Variants in LAMA4 observed in about 807,000 individuals in gnomAD.
LAMA4 encodes laminin subunit alpha 4, also known as laminin subunit alpha-4.
LAMA4 carries 127 observed loss-of-function variants against 207.1 expected under a neutral mutation model. The ratio of observed to expected loss-of-function variants is 0.61; its 90% CI spans 0.53 to 0.71. LAMA4 has a LOEUF of 0.71. LAMA4 is among the 30% of genes least tolerant of loss of function. The probability of loss-of-function intolerance (pLI) is 0.00; values close to 1 mark genes in which losing one functional copy is unlikely to be tolerated. For synonymous variants in LAMA4, 761 were observed against 816.0 expected, an observed-to-expected ratio of 0.93 and a Z score of 1.15; for missense variants, 2,093 against 2,246.5, an observed-to-expected ratio of 0.93 and a Z score of 1.38.
chr6:112,254,336 CCT>C, intron 1 of LAMA4, 45 bp from the exon 2 acceptor site: 3 of 634,410 alleles, frequency 4.7e-6, no homozygotes, highest in Non-Finnish European at 5.5e-6. Flanking sequence ...AGAGTTCCAG[CCT>C]CTCTCTCCCT....
At chr6:112,116,072 T>A in intron 35 of LAMA4, 79 bp from the exon 36 acceptor site, 1 of 1,387,900 alleles carries the variant, frequency 7.2e-7, no homozygotes, top group Middle Eastern at 2.0e-4. Flanking sequence ...TAATTATATA[T>A]ATTTTTATCT....
intron 25 of LAMA4, among the ~76,000 whole-genome samples, chr6:112,135,318 C>T (rs1374962326): frequency 6.6e-6 from 1 of 152,158 alleles, no homozygotes; most frequent in Admixed American, 6.5e-5. Flanking sequence ...ATTGTATTCC[C>T]AAGCAGGTGC....
At chr6:112,167,051 A>G (rs1554340205) in intron 12 of LAMA4, among the ~76,000 whole-genome samples, 1 of 152,202 alleles carries the variant, frequency 6.6e-6, no homozygotes, top group Non-Finnish European at 1.5e-5. Context: ...GTTTTTAATC[A>G]TTCTGTTACC....
intron 2 of LAMA4, among the ~76,000 whole-genome samples, chr6:112,229,720 G>C (rs1785436609): frequency 6.6e-6 from 1 of 152,174 alleles, no homozygotes; most frequent in Admixed American, 6.5e-5. Context: ...AAAGATGATT[G>C]CACTATCTAA....
intron 5 of LAMA4, among the ~76,000 whole-genome samples, chr6:112,193,222 G>A (rs1193924959): frequency 2.6e-5 from 4 of 152,112 alleles, no homozygotes; most frequent in African/African-American, 9.7e-5. Flanking sequence ...TTTTGAGCAT[G>A]ATGGAAGTGG....
chr6:112,193,686 C>T (rs1387791209), intron 5 of LAMA4, among the ~76,000 whole-genome samples: 1 of 152,110 alleles, frequency 6.6e-6, no homozygotes, highest in Non-Finnish European at 1.5e-5. Context: ...GGGAGGGAGG[C>T]CACACAGGCC....
At position 112,254,219 on chromosome 6, in the gene LAMA4, T is replaced by G; in HGVS notation, c.-69A>C. On this transcript the variant is annotated 5_prime_UTR_variant, in exon 2 of 39. Coordinates refer to ENST00000230538, the MANE Select transcript of LAMA4 (RefSeq NM_001105206.3). ...TGTGGGTCTCCGTAGGTCTCCCGCG[T>G]GGTGCGGCGGTGCCTCGCTTATTTT... is the stretch of plus-strand genomic sequence containing the variant. 6.2e-7 allele frequency: 1 copy of G among 1,600,348 alleles called. No individual in the cohort carries two copies. Among genetic ancestry groups the G allele is most frequent in the East Asian group, 2.2e-5 (1 of 44,720 alleles).
At chr6:112,113,025 GGAA>G (rs2114547089) in intron 38 of LAMA4, among the ~76,000 whole-genome samples, 1 of 152,162 alleles carries the variant, frequency 6.6e-6, no homozygotes, top group East Asian at 1.9e-4. Flanking sequence ...AAGGGAAGGG[GGAA>G]GAAGGAGATG....
chr6:112,181,507 G>A (rs1436914603), intron 9 of LAMA4, among the ~76,000 whole-genome samples: 2 of 152,092 alleles, frequency 1.3e-5, no homozygotes, highest in African/African-American at 4.8e-5. Context: ...AACTTAGCAC[G>A]CTGCTTCACA....
chr6:112,118,321 G>A lies in LAMA4; in HGVS notation c.4822-423C>T, dbSNP rs1778145694. 6.6e-6 allele frequency among the ~76,000 whole-genome samples: 1 copy of A among 152,158 alleles called. No individual in the cohort carries two copies. Among genetic ancestry groups the A allele is most frequent in the Non-Finnish European group, 1.5e-5 (1 of 68,026 alleles). ...AAAGCTTTCATTTCTGGTTTCATGA[G>A]CTGTTTTTGTGGTTGAGAATTTATC... On this transcript the variant is annotated intron_variant, in intron 34 of 38. Coordinates refer to ENST00000230538, the MANE Select transcript of LAMA4 (RefSeq NM_001105206.3). The surrounding 1 kb of genome is among the most constrained non-coding windows in gnomAD (Gnocchi z 4.6).
At chr6:112,155,934 G>A (rs1217165740) in intron 14 of LAMA4, among the ~76,000 whole-genome samples, 1 of 152,182 alleles carries the variant, frequency 6.6e-6, no homozygotes, top group Non-Finnish European at 1.5e-5. Flanking sequence ...GGCAGTAGCA[G>A]CAGGAAAAGG....
chr6:112,216,620 A>G (rs1227919764), intron 2 of LAMA4, 151 bp from the exon 3 acceptor site: 3 of 678,048 alleles, frequency 4.4e-6, no homozygotes, highest in African/African-American at 1.8e-5. Flanking sequence ...ATACTAAAAT[A>G]AACTATTTAT....
intron 2 of LAMA4, among the ~76,000 whole-genome samples, chr6:112,247,627 C>T (rs1321677214): frequency 2.6e-5 from 4 of 152,160 alleles, no homozygotes; most frequent in African/African-American, 4.8e-5. Flanking sequence ...TCACAGGATG[C>T]GTTTCTTTAC....
chr6:112,144,866 A>T lies in LAMA4; in HGVS notation c.2421T>A (p.Pro807=), dbSNP rs782630366. ...GGATGCTGGCAGAAACGTTGCTTGC[A>T]GGTCGCTTCTGCTCAACCGTACGAA... The part of the protein sequence containing the change: ...DQLRTVEQKR[P]ASNVSASIQR... Residue 807 remains proline, a synonymous_variant, in exon 19 of 39, where the codon CCT becomes CCA. Coordinates refer to ENST00000230538, the MANE Select transcript of LAMA4 (RefSeq NM_001105206.3). 1.2e-6 allele frequency: 2 copies of T among 1,614,086 alleles called. No homozygotes were observed. Among genetic ancestry groups the T allele is most frequent in the Admixed American group, 3.3e-5 (2 of 60,030 alleles).
chr6:112,165,929 T>G (rs1183140288), intron 12 of LAMA4, among the ~76,000 whole-genome samples: 1 of 152,190 alleles, frequency 6.6e-6, no homozygotes, highest in Non-Finnish European at 1.5e-5. Context: ...GACATTGTGA[T>G]TCTGAAGAAA....
intron 14 of LAMA4, among the ~76,000 whole-genome samples, chr6:112,156,447 T>C (rs1780717023): frequency 6.6e-6 from 1 of 152,178 alleles, no homozygotes; most frequent in African/African-American, 2.4e-5. Context: ...TTATTATACC[T>C]ACACCATTTC....
At chr6:112,143,145 C>A (rs562121384) in intron 19 of LAMA4, among the ~76,000 whole-genome samples, 1 of 152,202 alleles carries the variant, frequency 6.6e-6, no homozygotes, top group Admixed American at 6.5e-5. Flanking sequence ...TTATCTGAAT[C>A]TTTCCAAATG....
rs1787705390 is a variant in LAMA4, at chr6:112,254,301, T to A, written c.-141-10A>T. On this transcript the variant is annotated splice_polypyrimidine_tract_variant and intron_variant, in intron 1 of 38. Coordinates refer to ENST00000230538, the MANE Select transcript of LAMA4 (RefSeq NM_001105206.3). ...GCTGCGCAACCAGCAGCTTAGGAAATAAAGGGAAAGTGCGAGAGTAAGGGA... is the reference window on the plus strand; with the variant it reads ...GCTGCGCAACCAGCAGCTTAGGAAAAAAAGGGAAAGTGCGAGAGTAAGGGA... The A allele has an allele frequency of 1.1e-6, 1 of 922,766 alleles. No homozygotes were observed. The allele number at this position is 922,766 out of a possible 1,614,324, so 57.2% of individuals were successfully genotyped here. A position where few individuals can be genotyped will look rare whatever the true frequency, so the allele number is the denominator to read the frequency against.
At chr6:112,229,434 A>C (rs1181234204) in intron 2 of LAMA4, among the ~76,000 whole-genome samples, 3 of 152,182 alleles carry the variant, frequency 2.0e-5, no homozygotes, top group Admixed American at 2.0e-4. Context: ...TCAACTTTCC[A>C]TTTCAAAAAG....
Sources: allele counts gnomAD v4.1 joint callset (sites outside exome capture counted in the v4.1 genomes callset), GRCh38; gene constraint gnomAD v4.1.1; non-coding constraint Gnocchi (gnomAD v3.1); transcripts MANE v1.5; gene names NCBI Gene and HGNC (gene_info 2026-07-23, HGNC 2026-07-21).